The following KDM4C variants were observed in gnomAD, a reference collection of about 807,000 sequenced individuals.
KDM4C encodes lysine-specific demethylase 4C.
Under a neutral mutation model 129.3 loss-of-function variants are expected in KDM4C, and 81 were observed. The observed-to-expected ratio is 0.63, with a 90% CI of 0.52 to 0.75. The LOEUF is 0.75. KDM4C is among the 30% of genes least tolerant of loss of function. KDM4C has a pLI of 0.00. For missense variants in KDM4C, 1,457 were observed against 1,304.0 expected, an observed-to-expected ratio of 1.12 and a Z score of -1.81; for synonymous variants, 573 against 456.1, an observed-to-expected ratio of 1.26 and a Z score of -3.26.
chr9:6,914,394 G>A (rs1182615339), intron 8 of KDM4C, among the ~76,000 whole-genome samples: 1 of 152,092 alleles, frequency 6.6e-6, no homozygotes. Context: ...TTTTAATAAA[G>A]CATTGTCTAA....
rs1223034134 is a variant in KDM4C, at chr9:6,889,055, T to C, written c.783+992T>C. Among the ~76,000 whole-genome samples the C allele has an allele frequency of 1.3e-4, 4 of 31,384 alleles. 2 individuals are homozygous for C. The highest frequency in any genetic ancestry group is 2.5e-4 in the Non-Finnish European group (4 of 15,724). 20.6% of individuals were successfully genotyped at this position (31,384 alleles called of 152,430 possible). A position where few individuals can be genotyped will look rare whatever the true frequency, so the allele number is the denominator to read the frequency against. ...CGCCCGCCTCGGCCTCCCAAAGTGC[T>C]GGGATTACAGGCGTGAGCCACCGCG... On this transcript the variant is annotated intron_variant, in intron 7 of 21. Transcript: ENST00000381309.
At chr9:6,880,514 G>A (rs998547496) in intron 6 of KDM4C, among the ~76,000 whole-genome samples, 9 of 151,828 alleles carry the variant, frequency 5.9e-5, no homozygotes, top group Admixed American at 2.0e-4. Flanking sequence ...TGTCACTGCC[G>A]ACGCCCAGTT....
At chr9:6,933,375 A>G (rs961056454) in intron 8 of KDM4C, among the ~76,000 whole-genome samples, 7 of 152,326 alleles carry the variant, frequency 4.6e-5, no homozygotes, top group Admixed American at 1.3e-4. Flanking sequence ...GCTATCTACT[A>G]CATGCACTGC....
intron 8 of KDM4C, among the ~76,000 whole-genome samples, chr9:6,914,217 G>A (rs542849851): frequency 9.2e-5 from 14 of 152,174 alleles, no homozygotes; most frequent in Admixed American, 2.6e-4. Context: ...GCGCCACCAT[G>A]TTCAGTTAAT....
At chr9:7,027,122 T>G (rs1466616029) in intron 15 of KDM4C, among the ~76,000 whole-genome samples, 1 of 152,138 alleles carries the variant, frequency 6.6e-6, no homozygotes, top group Non-Finnish European at 1.5e-5. Context: ...GAGATCATGT[T>G]TTCCTGGATT....
At chr9:7,043,404 G>T (rs189942573) in intron 15 of KDM4C, among the ~76,000 whole-genome samples, 215 of 152,068 alleles carry the variant, frequency 1.4e-3, no homozygotes, top group African/African-American at 5.0e-3. Context: ...AAGAAAACTT[G>T]GGCTGCTTTT....
intron 12 of KDM4C, among the ~76,000 whole-genome samples, chr9:7,004,180 C>T (rs1274944264): frequency 3.3e-5 from 5 of 152,218 alleles, no homozygotes; most frequent in African/African-American, 1.2e-4. Flanking sequence ...GCAGCCCTTT[C>T]ACAAATGGCC....
At chr9:6,896,756 A>T (rs1218522570) in intron 8 of KDM4C, among the ~76,000 whole-genome samples, 2 of 152,080 alleles carry the variant, frequency 1.3e-5, no homozygotes, top group Non-Finnish European at 2.9e-5. Context: ...GGCATCATGT[A>T]TGTTTCTATG....
At chr9:6,770,997 A>G (rs1247212651) in intron 1 of KDM4C, among the ~76,000 whole-genome samples, 1 of 150,396 alleles carries the variant, frequency 6.6e-6, no homozygotes, top group African/African-American at 2.4e-5. Flanking sequence ...GCTGGTCTCA[A>G]ACTCCTGACC....
rs374635883 is a variant in KDM4C at position 6,942,472 on chromosome 9, G to A, written c.922-38453G>A. The A allele has an allele frequency of 1.1e-4, 17 of 150,398 alleles. No homozygotes were observed. The East Asian group carries it at 1.2e-3, about 10-fold the overall frequency. 9.3% of individuals were successfully genotyped at this position (150,398 alleles called of 1,614,324 possible). On this transcript the variant is annotated intron_variant, in intron 8 of 21. Transcript: ENST00000381309. ...TGTTTCTTTCCAGTACTGTGTTGAC[G>A]AGGAAGATGGCAGCCTCTTTGATAT...
chr9:6,925,022 T>C, intron 8 of KDM4C: 1 of 985,400 alleles, frequency 1.0e-6, no homozygotes, highest in African/African-American at 1.7e-5. Context: ...ACTTCTGAAG[T>C]TCTGAAATGA....
At position 6,960,162 on chromosome 9, in the gene KDM4C, C is replaced by G. The variant is rs147669475; in HGVS notation, c.922-20763C>G. On this transcript the variant is annotated intron_variant, in intron 8 of 21. Transcript: ENST00000381309. ...TATTCCTTTCCCCATTCCCTCTCTACTCCAGGGCAGAACTGCTGCAGTCCT... is the reference window on the plus strand; with the variant it reads ...TATTCCTTTCCCCATTCCCTCTCTAGTCCAGGGCAGAACTGCTGCAGTCCT... Among the ~76,000 whole-genome samples, 6 of 152,116 alleles carry G rather than the reference C, an allele frequency of 3.9e-5. No individual in the cohort carries two copies. In the East Asian group the frequency reaches 5.8e-4, roughly 15 times the overall value.
chr9:6,863,064 C>G (rs570881027), intron 5 of KDM4C, among the ~76,000 whole-genome samples: 1 of 152,036 alleles, frequency 6.6e-6, no homozygotes, highest in Non-Finnish European at 1.5e-5. Flanking sequence ...AAGATCAAAT[C>G]AGGGTAACTG....
intron 6 of KDM4C, among the ~76,000 whole-genome samples, chr9:6,885,508 C>T (rs561789264): frequency 1.1e-4 from 17 of 151,976 alleles, no homozygotes; most frequent in Admixed American, 2.6e-4. Flanking sequence ...CTCTGGAATA[C>T]AAGCTTTTTA....
chr9:6,883,950 C>T (rs1844863206), intron 6 of KDM4C, among the ~76,000 whole-genome samples: 1 of 152,252 alleles, frequency 6.6e-6, no homozygotes, highest in East Asian at 1.9e-4. Context: ...TAATGACACA[C>T]ACACCAGTTA....
At chr9:6,855,303 A>G (rs572703162) in intron 5 of KDM4C, among the ~76,000 whole-genome samples, 3 of 152,058 alleles carry the variant, frequency 2.0e-5, no homozygotes, top group Admixed American at 1.3e-4. Flanking sequence ...TACTAAAAAT[A>G]CAAAAATTAG....
intron 1 of KDM4C, among the ~76,000 whole-genome samples, chr9:6,765,550 T>C (rs1389034952): frequency 6.6e-6 from 1 of 152,234 alleles, no homozygotes; most frequent in Non-Finnish European, 1.5e-5. Flanking sequence ...CAAGTATTTT[T>C]ATTTCCTTCT....
At chr9:6,983,766 G>T (rs1202659646) in intron 9 of KDM4C, among the ~76,000 whole-genome samples, 1 of 132,894 alleles carries the variant, frequency 7.5e-6, no homozygotes, top group African/African-American at 2.9e-5. Flanking sequence ...TTTAGCACTA[G>T]CCTAACAGGA....
intron 17 of KDM4C, among the ~76,000 whole-genome samples, chr9:7,091,181 T>C (rs1273476280): frequency 6.6e-6 from 1 of 152,210 alleles, no homozygotes; most frequent in Non-Finnish European, 1.5e-5. Flanking sequence ...CAGATGGTTT[T>C]CAATGGAAAC....
Sources: gnomAD v4.1 joint callset for allele counts (sites outside exome capture counted in the v4.1 genomes callset) on GRCh38, gnomAD v4.1.1 for gene constraint, MANE v1.5 for transcripts, NCBI Gene and HGNC (gene_info 2026-07-23, HGNC 2026-07-21) for gene names.